GRIA1: variants seen among roughly 807,000 people sequenced by gnomAD.
GRIA1 encodes glutamate ionotropic receptor AMPA type subunit 1.
In GRIA1, 31 loss-of-function variants were observed where a neutral mutation model predicts 99.2. That is an observed-to-expected ratio of 0.31 (90% CI 0.23 to 0.42). GRIA1 has a LOEUF of 0.42. Ranked by LOEUF, GRIA1 falls within the 10% of genes least tolerant of loss-of-function variation. The pLI is 1.00. For missense variants in GRIA1, 782 were observed against 1,157.5 expected, an observed-to-expected ratio of 0.68 and a Z score of 4.71; for synonymous variants, 438 against 432.4, an observed-to-expected ratio of 1.01 and a Z score of -0.16.
intron 2 of GRIA1, among the ~76,000 whole-genome samples, chr5:153,630,788 G>T (rs967200729): frequency 2.6e-5 from 4 of 152,198 alleles, no homozygotes; most frequent in Non-Finnish European, 2.9e-5. Context: ...CCAACAGGTG[G>T]CCCCAGTTGT....
intron 2 of GRIA1, among the ~76,000 whole-genome samples, chr5:153,544,992 C>T (rs1388157289): frequency 1.3e-5 from 2 of 152,124 alleles, no homozygotes; most frequent in East Asian, 3.9e-4. Context: ...TTTTTCTAAC[C>T]TTTAGCTTCC....
At chr5:153,737,074 T>G (rs1761427682) in intron 11 of GRIA1, among the ~76,000 whole-genome samples, 2 of 152,258 alleles carry the variant, frequency 1.3e-5, no homozygotes, top group South Asian at 4.1e-4. Flanking sequence ...TGGGTTAGGC[T>G]GTAAGCCTCG....
chr5:153,714,191 G>A (rs910183516), intron 11 of GRIA1, among the ~76,000 whole-genome samples: 1 of 152,098 alleles, frequency 6.6e-6, no homozygotes, highest in Non-Finnish European at 1.5e-5. Context: ...GCTCTGGATA[G>A]TCATTGCCAT....
chr5:153,711,889 C>A (rs1390556145), intron 11 of GRIA1, among the ~76,000 whole-genome samples: 1 of 152,100 alleles, frequency 6.6e-6, no homozygotes, highest in Non-Finnish European at 1.5e-5. Flanking sequence ...AGAATTCTCT[C>A]TTTTATTCTT....
At chr5:153,755,659 A>C (rs1182711101) in intron 11 of GRIA1, 1 of 152,274 alleles carries the variant, frequency 6.6e-6, no homozygotes, top group Non-Finnish European at 1.5e-5. Flanking sequence ...CAGCCTGGGC[A>C]ACATAGCGAG....
intron 5 of GRIA1, among the ~76,000 whole-genome samples, chr5:153,662,164 T>C (rs886850010): frequency 1.3e-5 from 2 of 152,194 alleles, no homozygotes; most frequent in Non-Finnish European, 2.9e-5. Flanking sequence ...TCTTTGGTGT[T>C]TGCACCTTCA....
rs78425227 is a variant in GRIA1 at position 153,813,147 on chromosome 5, C to T, written c.*1922C>T. On this transcript the variant is annotated 3_prime_UTR_variant, in exon 16 of 16. Transcript: ENST00000285900. ...TCAAGTGTTGTTGTTCAGTCTCTCG[C>T]GTGTCAATGTGGTCATGGTTCATGA... is the stretch of plus-strand genomic sequence containing the variant. The T allele has an allele frequency of 4.6e-3, 701 of 152,272 alleles. 3 individuals carry two copies. Among genetic ancestry groups the T allele is most frequent in the Non-Finnish European group, 7.3e-3 (498 of 68,028 alleles). 9.4% of individuals were successfully genotyped at this position (152,272 alleles called of 1,614,324 possible). A position where few individuals can be genotyped will look rare whatever the true frequency, so the allele number is the denominator to read the frequency against.
intron 13 of GRIA1, among the ~76,000 whole-genome samples, chr5:153,779,551 C>T (rs1764496712): frequency 6.6e-6 from 1 of 151,982 alleles, no homozygotes; most frequent in Non-Finnish European, 1.5e-5. Context: ...TGGTTAGAGC[C>T]CATTTTTTAT....
At position 153,738,720 on chromosome 5, in the gene GRIA1, C is replaced by CTTTTTTTTTTTTTTTTTT. The variant is rs55874747; in HGVS notation, c.1824-25713_1824-25696dup. Reference sequence around the variant, plus strand: ...TGTTGCGTGTTCATCTCCATACCTTCTTTTTTTTTTTTTTTTTTGGAGAAG... The same window carrying CTTTTTTTTTTTTTTTTTT: ...TGTTGCGTGTTCATCTCCATACCTTCTTTTTTTTTTTTTTTTTTTTTTTTTTTTTTTTTTTTGGAGAAG... On this transcript the variant is annotated intron_variant, in intron 11 of 15. Coordinates refer to ENST00000285900, the MANE Select transcript of GRIA1 (RefSeq NM_000827.4). 9.8e-5 allele frequency among the ~76,000 whole-genome samples: 10 copies of CTTTTTTTTTTTTTTTTTT among 102,352 alleles called. 2 individuals are homozygous for CTTTTTTTTTTTTTTTTTT. Among genetic ancestry groups the CTTTTTTTTTTTTTTTTTT allele is most frequent in the African/African-American group, 3.6e-4 (9 of 24,722 alleles). 67.1% of individuals were successfully genotyped at this position (102,352 alleles called of 152,430 possible).
chr5:153,510,686 A>C (rs929964630), intron 2 of GRIA1, among the ~76,000 whole-genome samples: 2 of 152,230 alleles, frequency 1.3e-5, no homozygotes, highest in African/African-American at 2.4e-5. Flanking sequence ...AATATGTTTA[A>C]GTTGCATTGT....
chr5:153,752,975 G>A (rs1762594017), intron 11 of GRIA1, among the ~76,000 whole-genome samples: 1 of 152,130 alleles, frequency 6.6e-6, no homozygotes, highest in African/African-American at 2.4e-5. Flanking sequence ...TAAAGATGGA[G>A]GAAGTCAAGT....
chr5:153,636,786 A>C (rs888361240), intron 2 of GRIA1, among the ~76,000 whole-genome samples: 6 of 152,266 alleles, frequency 3.9e-5, no homozygotes, highest in African/African-American at 1.4e-4. Context: ...TGAGTAATTC[A>C]TGTAAGGCAC....
At chr5:153,679,020 A>G (rs1756788477) in intron 7 of GRIA1, among the ~76,000 whole-genome samples, 1 of 152,310 alleles carries the variant, frequency 6.6e-6, no homozygotes, top group Admixed American at 6.5e-5. Context: ...GTTGTAGTGT[A>G]TACTTAGCAC....
chr5:153,701,619 C>CAAA (rs70978504), intron 10 of GRIA1, among the ~76,000 whole-genome samples: 636 of 39,396 alleles, frequency 0.016, 60 homozygotes, highest in African/African-American at 0.052. Flanking sequence ...AGACCCGTCT[C>CAAA]AAAAAAAAAA....
At chr5:153,692,612 T>C (rs1007533215) in intron 8 of GRIA1, among the ~76,000 whole-genome samples, 1 of 152,174 alleles carries the variant, frequency 6.6e-6, no homozygotes, top group Non-Finnish European at 1.5e-5. Flanking sequence ...GCCAAAGATA[T>C]CTACCGTCTG....
chr5:153,787,592 A>G (rs1276315711), intron 13 of GRIA1, among the ~76,000 whole-genome samples: 1 of 152,204 alleles, frequency 6.6e-6, no homozygotes, highest in Non-Finnish European at 1.5e-5. Flanking sequence ...CACAGGATTT[A>G]GCATAAGAAA....
chr5:153,770,668 T>C (rs1329378565), intron 13 of GRIA1, among the ~76,000 whole-genome samples: 3 of 152,140 alleles, frequency 2.0e-5, no homozygotes, highest in Admixed American at 2.0e-4. Context: ...ACCTTCCTCC[T>C]CCAAGTGCGT....
intron 11 of GRIA1, among the ~76,000 whole-genome samples, chr5:153,753,016 A>G (rs564361790): frequency 6.6e-6 from 1 of 152,348 alleles, no homozygotes; most frequent in Admixed American, 6.5e-5. Context: ...CTAGAAGATG[A>G]CAGCCAGCAA....
At chr5:153,599,755 G>A (rs1178068533) in intron 2 of GRIA1, among the ~76,000 whole-genome samples, 1 of 152,128 alleles carries the variant, frequency 6.6e-6, no homozygotes, top group Non-Finnish European at 1.5e-5. Context: ...CACCAGTTGA[G>A]AAGACTTAAA....
Sources: allele counts gnomAD v4.1 joint callset (sites outside exome capture counted in the v4.1 genomes callset), GRCh38; gene constraint gnomAD v4.1.1; transcripts MANE v1.5; gene names NCBI Gene and HGNC (gene_info 2026-07-23, HGNC 2026-07-21).